The following DOK5 variants were observed in gnomAD, a reference collection of about 807,000 sequenced individuals.
DOK5 encodes the protein downstream of tyrosine kinase 5.
A neutral mutation model predicts 43.3 loss-of-function variants in DOK5; 27 were observed. The observed-to-expected ratio is 0.62, with a 90% CI of 0.46 to 0.86. The LOEUF is 0.86. Among genes scored for constraint, DOK5 ranks in the 40% least tolerant of loss-of-function variants. The pLI, the probability that DOK5 is intolerant of heterozygous loss-of-function variation, is 0.00. For missense variants in DOK5, 373 were observed against 392.9 expected, an observed-to-expected ratio of 0.95 and a Z score of 0.43; for synonymous variants, 146 against 140.1, an observed-to-expected ratio of 1.04 and a Z score of -0.30.
At chr20:54,546,583 G>A (rs1161243757) in intron 1 of DOK5, among the ~76,000 whole-genome samples, 2 of 148,364 alleles carry the variant, frequency 1.3e-5, no homozygotes, top group East Asian at 4.0e-4. Context: ...AGTGTGTGAT[G>A]TTCCCCACCT....
intron 1 of DOK5, among the ~76,000 whole-genome samples, chr20:54,552,271 A>G (rs981323056): frequency 6.6e-6 from 1 of 152,164 alleles, no homozygotes; most frequent in Non-Finnish European, 1.5e-5. Context: ...CATGACCTAA[A>G]TGAAAATTTA....
At chr20:54,486,838 T>G (rs1981953331) in intron 1 of DOK5, among the ~76,000 whole-genome samples, 1 of 152,228 alleles carries the variant, frequency 6.6e-6, no homozygotes, top group Non-Finnish European at 1.5e-5. Flanking sequence ...TTGATTTTTA[T>G]TTTTTATTGG....
chr20:54,528,801 T>C (rs1983665721), intron 1 of DOK5, among the ~76,000 whole-genome samples: 1 of 152,180 alleles, frequency 6.6e-6, no homozygotes, highest in Non-Finnish European at 1.5e-5. Flanking sequence ...AACCCTTCCA[T>C]TTTCTTCTTT....
rs570675603 is a variant in DOK5 at position 54,488,817 on chromosome 20, C to CCTTT, written c.66+12806_66+12809dup. 4.9e-4 allele frequency among the ~76,000 whole-genome samples: 66 copies of CCTTT among 134,522 alleles called. No individual in the cohort carries two copies. In the South Asian group the frequency reaches 7.5e-3, roughly 15 times the overall value. The allele number at this position is 134,522 out of a possible 152,430, so 88.3% of individuals were successfully genotyped here. On this transcript the variant is annotated intron_variant, in intron 1 of 7. Transcript: ENST00000262593. ...CCCTTCCTACCTTCCTTCCTTCCTT[C>CCTTT]CTTTTATTATTAAATATGTGCATGA...
intron 1 of DOK5, among the ~76,000 whole-genome samples, chr20:54,552,733 C>T (rs940037188): frequency 2.0e-5 from 3 of 152,044 alleles, no homozygotes; most frequent in Non-Finnish European, 2.9e-5. Flanking sequence ...ATTGTACATT[C>T]GGTGGGATCA....
intron 4 of DOK5, among the ~76,000 whole-genome samples, chr20:54,589,483 C>T (rs941736534): frequency 1.3e-5 from 2 of 152,148 alleles, no homozygotes; most frequent in Non-Finnish European, 2.9e-5. Flanking sequence ...ATAATAATGA[C>T]TAAAATATTC....
intron 2 of DOK5, among the ~76,000 whole-genome samples, chr20:54,578,220 A>T (rs1159118897): frequency 6.6e-6 from 1 of 152,184 alleles, no homozygotes; most frequent in Non-Finnish European, 1.5e-5. Flanking sequence ...TTACTTCAGG[A>T]TGTCAAAAAT....
chr20:54,594,457 G>A (rs1986074981), intron 5 of DOK5, among the ~76,000 whole-genome samples: 1 of 151,988 alleles, frequency 6.6e-6, no homozygotes, highest in African/African-American at 2.4e-5. Flanking sequence ...TGGTAAGGTT[G>A]GTATATTTTT....
At chr20:54,582,679 G>A (rs1985679506) in intron 2 of DOK5, among the ~76,000 whole-genome samples, 1 of 151,636 alleles carries the variant, frequency 6.6e-6, no homozygotes, top group Admixed American at 6.6e-5. Flanking sequence ...TTTTCTTGGT[G>A]TATCATCATT....
Position 54,591,815 on chromosome 20 carries a change from A to T in DOK5, c.599+10A>T. The T allele has an allele frequency of 6.2e-7, 1 of 1,604,690 alleles. No homozygotes were observed. Among genetic ancestry groups the T allele is most frequent in the Non-Finnish European group, 8.5e-7 (1 of 1,176,172 alleles). On this transcript the variant is annotated intron_variant, in intron 5 of 7. Coordinates refer to ENST00000262593, the MANE Select transcript of DOK5 (RefSeq NM_018431.5). ...CTTTTGAGGCAGGGAGGTGAGTTTA[A>T]TGACTTTTAATGACTATTTTTCTGT... is the stretch of plus-strand genomic sequence containing the variant.
intron 2 of DOK5, among the ~76,000 whole-genome samples, chr20:54,556,040 G>A (rs550526626): frequency 3.9e-5 from 6 of 152,244 alleles, no homozygotes; most frequent in Non-Finnish European, 5.9e-5. Flanking sequence ...GAAAACAATG[G>A]GGAAGCTGCA....
chr20:54,528,026 G>A (rs1215038977), intron 1 of DOK5, among the ~76,000 whole-genome samples: 3 of 152,148 alleles, frequency 2.0e-5, no homozygotes, highest in Non-Finnish European at 2.9e-5. Flanking sequence ...GACCAACATG[G>A]TGAAACCCTG....
At position 54,632,886 on chromosome 20, in the gene DOK5, G is replaced by C. The variant is rs530809392; in HGVS notation, c.736-10572G>C. On this transcript the variant is annotated intron_variant, in intron 6 of 7. Coordinates refer to ENST00000262593, the MANE Select transcript of DOK5 (RefSeq NM_018431.5). The stretch of plus-strand genomic sequence containing the variant: ...GAGGTCAGGAGTTTGAGACCAGCCT[G>C]GCCAACATGGTAAAACCTCATCTCC... Among the ~76,000 whole-genome samples the C allele has an allele frequency of 3.3e-5, 5 of 152,172 alleles. No homozygotes were observed. In the South Asian group the frequency reaches 1.0e-3, roughly 32 times the overall value.
chr20:54,547,594 A>G (rs1263820759), intron 1 of DOK5, among the ~76,000 whole-genome samples: 1 of 152,242 alleles, frequency 6.6e-6, no homozygotes, highest in Admixed American at 6.5e-5. Flanking sequence ...ATTTTAAACC[A>G]GGGCTAAGCA....
chr20:54,646,940 T>C (rs1343005406), intron 7 of DOK5, among the ~76,000 whole-genome samples: 2 of 150,566 alleles, frequency 1.3e-5, no homozygotes, highest in Non-Finnish European at 2.9e-5. Flanking sequence ...TTGGAAATCA[T>C]ACAGACCCTT....
intron 6 of DOK5, among the ~76,000 whole-genome samples, chr20:54,639,846 A>G (rs1979020221): frequency 6.6e-6 from 1 of 152,220 alleles, no homozygotes; most frequent in Non-Finnish European, 1.5e-5. Context: ...CTAGATAAAG[A>G]CAAAAACACT....
chr20:54,497,448 A>G (rs566254747), intron 1 of DOK5, among the ~76,000 whole-genome samples: 2 of 152,356 alleles, frequency 1.3e-5, no homozygotes, highest in African/African-American at 4.8e-5. Flanking sequence ...TAACATAAGC[A>G]TAGGTAACAT....
chr20:54,489,421 T>C (rs2146666316), intron 1 of DOK5, among the ~76,000 whole-genome samples: 1 of 152,266 alleles, frequency 6.6e-6, no homozygotes, highest in South Asian at 2.1e-4. Flanking sequence ...CTTGTGTGCA[T>C]GTGTGTGTCT....
chr20:54,484,771 T>C lies in DOK5; in HGVS notation c.66+8759T>C, dbSNP rs992988640. Reference sequence around the variant, plus strand: ...GCTTGTTCCTGTCATCCCAGGACTTTGGGAGGCCAAGGCAGAAGGGCCACT... The same window carrying C: ...GCTTGTTCCTGTCATCCCAGGACTTCGGGAGGCCAAGGCAGAAGGGCCACT... On this transcript the variant is annotated intron_variant, in intron 1 of 7. Coordinates refer to ENST00000262593, the MANE Select transcript of DOK5 (RefSeq NM_018431.5). 3.3e-5 allele frequency among the ~76,000 whole-genome samples: 5 copies of C among 152,204 alleles called. No individual in the cohort carries two copies. The East Asian group carries it at 9.6e-4, about 29-fold the overall frequency.
Sources: allele counts gnomAD v4.1 joint callset (sites outside exome capture counted in the v4.1 genomes callset), GRCh38; gene constraint gnomAD v4.1.1; transcripts MANE v1.5; gene names NCBI Gene and HGNC (gene_info 2026-07-23, HGNC 2026-07-21).